The following COLEC10 variants were observed in gnomAD, a reference collection of about 807,000 sequenced individuals.
The protein encoded by COLEC10 is collectin subfamily member 10.
Under a neutral mutation model 28.4 loss-of-function variants are expected in COLEC10, and 22 were observed. The ratio of observed to expected loss-of-function variants is 0.78; its 90% CI spans 0.55 to 1.11. The LOEUF (loss-of-function observed/expected upper bound fraction) is 1.11. COLEC10 is among the 50% of genes least tolerant of loss of function. The probability of loss-of-function intolerance (pLI) is 0.00; values close to 1 mark genes in which losing one functional copy is unlikely to be tolerated. For missense variants in COLEC10, 361 were observed against 344.1 expected (o/e 1.05, Z -0.39); for synonymous variants, 125 against 116.1 (o/e 1.08, Z -0.49).
intron 2 of COLEC10, among the ~76,000 whole-genome samples, chr8:119,053,632 T>G (rs984993363): frequency 6.6e-6 from 1 of 151,748 alleles, no homozygotes; most frequent in African/African-American, 2.4e-5. Context: ...TCTCCATTTG[T>G]GTCTCCAGAT....
chr8:118,965,892 T>A, the COLEC10 span, among the ~76,000 whole-genome samples: 1 of 152,056 alleles, frequency 6.6e-6, no homozygotes, highest in South Asian at 2.1e-4. Flanking sequence ...TTCCAGGCCA[T>A]GACTAGATGA....
the COLEC10 span, among the ~76,000 whole-genome samples, chr8:118,969,226 G>A: frequency 6.6e-6 from 1 of 152,004 alleles, no homozygotes; most frequent in African/African-American, 2.4e-5. Context: ...GAAGTCTCCA[G>A]AAGGAACCAG....
At chr8:119,004,071 G>C (rs538358918) in intron 1 of COLEC10, among the ~76,000 whole-genome samples, 37 of 152,018 alleles carry the variant, frequency 2.4e-4, no homozygotes, top group Non-Finnish European at 4.7e-4. Flanking sequence ...TCCAGAACAA[G>C]TAGCATACTT....
chr8:118,991,990 A>G (rs961421766), upstream of COLEC10, among the ~76,000 whole-genome samples: 2 of 152,098 alleles, frequency 1.3e-5, no homozygotes, highest in South Asian at 4.1e-4. Flanking sequence ...GCACACAGTA[A>G]TTGACAGCAT....
At chr8:119,102,149 T>C (rs1815841505) in intron 3 of COLEC10, among the ~76,000 whole-genome samples, 199 bp from the exon 4 acceptor site, 1 of 152,150 alleles carries the variant, frequency 6.6e-6, no homozygotes, top group South Asian at 2.1e-4. Flanking sequence ...TTAGAGATAC[T>C]AGCTGTAGAT....
chr8:119,035,297 A>ATGATTATTTG (rs57044490), intron 2 of COLEC10, among the ~76,000 whole-genome samples: 94,883 of 151,488 alleles, frequency 0.63, 30,726 homozygotes, highest in African/African-American at 0.79. Flanking sequence ...TCTGCTATCT[A>ATGATTATTTG]TGATTATTTG....
upstream of COLEC10, among the ~76,000 whole-genome samples, chr8:119,063,906 C>T (rs1034583527): frequency 2.0e-5 from 3 of 152,042 alleles, no homozygotes; most frequent in African/African-American, 7.2e-5. Flanking sequence ...GTTTTATAAA[C>T]TAGCTACTAA....
intron 2 of COLEC10, among the ~76,000 whole-genome samples, chr8:119,057,800 T>C (rs902161079): frequency 6.6e-6 from 1 of 152,060 alleles, no homozygotes; most frequent in Admixed American, 6.6e-5. Flanking sequence ...CATTGTGGTA[T>C]ATAATTAATC....
chr8:118,997,062 G>C (rs1319694939), intron 1 of COLEC10, among the ~76,000 whole-genome samples: 1 of 152,148 alleles, frequency 6.6e-6, no homozygotes, highest in Non-Finnish European at 1.5e-5. Context: ...ATTTGAAGAA[G>C]ACACACATCC....
chr8:119,045,318 G>T (rs1265035014), intron 2 of COLEC10, among the ~76,000 whole-genome samples: 2 of 152,194 alleles, frequency 1.3e-5, no homozygotes, highest in Non-Finnish European at 2.9e-5. Context: ...GGCAAACCAA[G>T]ACTCTGCATA....
chr8:118,995,729 T>C (rs551818272), intron 1 of COLEC10, among the ~76,000 whole-genome samples: 1 of 152,276 alleles, frequency 6.6e-6, no homozygotes, highest in South Asian at 2.1e-4. Context: ...TAGATGCTAC[T>C]GTATTTAGGG....
intron 2 of COLEC10, among the ~76,000 whole-genome samples, chr8:119,015,541 A>G (rs960001604): frequency 7.2e-5 from 11 of 152,170 alleles, no homozygotes; most frequent in Non-Finnish European, 1.6e-4. Flanking sequence ...TTCCATATAC[A>G]CTATGATGTA....
chr8:119,037,531 G>T (rs1450817768), intron 2 of COLEC10, among the ~76,000 whole-genome samples: 1 of 152,050 alleles, frequency 6.6e-6, no homozygotes, highest in African/African-American at 2.4e-5. Context: ...GTGTCTTCAT[G>T]AGATCCCAGC....
chr8:119,052,689 ATGT>A (rs1413591225), intron 2 of COLEC10, among the ~76,000 whole-genome samples: 2 of 152,172 alleles, frequency 1.3e-5, no homozygotes, highest in Non-Finnish European at 2.9e-5. Flanking sequence ...CTAGTTGGTG[ATGT>A]TGTTTCTGTG....
intron 2 of COLEC10, among the ~76,000 whole-genome samples, chr8:119,010,069 T>G (rs566392326): frequency 1.3e-5 from 2 of 150,958 alleles, no homozygotes; most frequent in African/African-American, 5.0e-5. Context: ...GCATTGTACA[T>G]TCTGTGGGTT....
chr8:118,954,420 G>T, the COLEC10 span, among the ~76,000 whole-genome samples: 1 of 152,158 alleles, frequency 6.6e-6, no homozygotes, highest in Non-Finnish European at 1.5e-5. Flanking sequence ...TGGGCTGCAG[G>T]CTTTGAACAC....
upstream of COLEC10, among the ~76,000 whole-genome samples, chr8:118,992,526 C>A (rs76726438): frequency 6.6e-6 from 1 of 151,994 alleles, no homozygotes; most frequent in East Asian, 1.9e-4. Context: ...AATCTGTATG[C>A]AACAAATATT....
the COLEC10 span, among the ~76,000 whole-genome samples, chr8:118,984,968 C>T: frequency 3.9e-5 from 6 of 152,112 alleles, no homozygotes; most frequent in East Asian, 3.9e-4. Flanking sequence ...TTCACTATCA[C>T]GAGAACAGCA....
chr8:119,100,124 G>T (rs1322286229), intron 3 of COLEC10, among the ~76,000 whole-genome samples: 1 of 152,018 alleles, frequency 6.6e-6, no homozygotes, highest in Admixed American at 6.6e-5. Flanking sequence ...GCTATTCTTT[G>T]CAAATTTTGA....
Sources: allele counts gnomAD v4.1 joint callset (sites outside exome capture counted in the v4.1 genomes callset), GRCh38; gene constraint gnomAD v4.1.1; transcripts MANE v1.5; gene names NCBI Gene and HGNC (gene_info 2026-07-23, HGNC 2026-07-21).